Variants in MYO15B observed in about 807,000 individuals in gnomAD.
MYO15B encodes the protein myosin XVB pseudogene.
A neutral mutation model predicts 119.3 loss-of-function variants in MYO15B; 207 were observed. The ratio of observed to expected loss-of-function variants is 1.73; its 90% CI spans 1.55 to 1.95. The LOEUF (loss-of-function observed/expected upper bound fraction) is 1.95, where lower values mean the gene tolerates loss of function less well. MYO15B is among the 30% of genes most tolerant of loss of function. The pLI is 0.00. For missense variants in MYO15B, 2,264 were observed against 1,203.1 expected, an observed-to-expected ratio of 1.88 and a Z score of -13.04; for synonymous variants, 966 against 498.9, an observed-to-expected ratio of 1.94 and a Z score of -12.48.
chr17:75,626,362 G>A (rs1269931243), intron 63 of MYO15B, 45 bp from the exon 64 acceptor site: 1 of 702,780 alleles, frequency 1.4e-6, no homozygotes, highest in Non-Finnish European at 2.6e-6. Context: ...CAGAGGCGAG[G>A]GGCTGGCTGG....
chr17:75,625,807 C>T, intron 61 of MYO15B, 37 bp from the exon 62 acceptor site: 1 of 701,760 alleles, frequency 1.4e-6, no homozygotes, highest in Admixed American at 2.0e-5. Flanking sequence ...AGGGCCCCAG[C>T]AGTCAGATTT....
intron 21 of MYO15B, among the ~76,000 whole-genome samples, chr17:75,609,155 G>A (rs1010106043): frequency 2.6e-5 from 4 of 151,810 alleles, no homozygotes; most frequent in Middle Eastern, 3.2e-3. Flanking sequence ...TGTCATACGG[G>A]TATGAGCCAT....
Position 75,591,590 on chromosome 17 carries a change from C to T in MYO15B, c.2436-11C>T, listed in dbSNP as rs1281574389. ...CCTCCCTGGAGACCCTACCAACCAACACATCCTTAGCTCCTCCCACTGCAG... is the reference window on the plus strand; with the variant it reads ...CCTCCCTGGAGACCCTACCAACCAATACATCCTTAGCTCCTCCCACTGCAG... On this transcript the variant is annotated splice_polypyrimidine_tract_variant and intron_variant, in intron 4 of 63. Coordinates refer to ENST00000645453, the Ensembl canonical transcript of MYO15B. 1 of 702,878 alleles carries T rather than the reference C, an allele frequency of 1.4e-6. No individual in the cohort carries two copies. Among genetic ancestry groups the T allele is most frequent in the Admixed American group, 2.0e-5 (1 of 50,004 alleles). The allele number at this position is 702,878 out of a possible 1,614,324, so 43.5% of individuals were successfully genotyped here.
chr17:75,608,539 G>C (rs1467897544), intron 21 of MYO15B, among the ~76,000 whole-genome samples: 2 of 151,972 alleles, frequency 1.3e-5, no homozygotes, highest in Non-Finnish European at 2.9e-5. Context: ...TCCTCAGGAG[G>C]CTGAGGCACG....
intron 19 of MYO15B, among the ~76,000 whole-genome samples, chr17:75,604,201 C>T (rs1233877391): frequency 6.6e-6 from 1 of 152,106 alleles, no homozygotes; most frequent in African/African-American, 2.4e-5. Context: ...CAGCAATTGT[C>T]ACCTCCAACA....
At chr17:75,588,394 G>A in exon 1 of MYO15B, 2 of 398,514 alleles carry the variant, frequency 5.0e-6, no homozygotes, top group Middle Eastern at 6.2e-4. Flanking sequence ...CCTGGAGGAG[G>A]GAAGCCTCTC....
intron 15 of MYO15B, among the ~76,000 whole-genome samples, chr17:75,602,118 T>A (rs1165626313): frequency 6.6e-6 from 1 of 152,138 alleles, no homozygotes; most frequent in Non-Finnish European, 1.5e-5. Flanking sequence ...CTGGAGGAGA[T>A]GGCACACTTT....
chr17:75,623,993 G>A, exon 55 of MYO15B: 1 of 703,020 alleles, frequency 1.4e-6, no homozygotes, highest in Non-Finnish European at 2.6e-6. Flanking sequence ...CTTCTCACAG[G>A]CTTCTTCCCC....
intron 12 of MYO15B, 35 bp from the exon 13 acceptor site, chr17:75,596,425 C>T: frequency 1.4e-6 from 1 of 702,468 alleles, no homozygotes; most frequent in Non-Finnish European, 2.6e-6. Flanking sequence ...GAGGGCACAG[C>T]CCCATGTGCC....
Position 75,617,581 on chromosome 17 carries a change from C to T in MYO15B, c.6815-229C>T, listed in dbSNP as rs978161781. On this transcript the variant is annotated intron_variant, in intron 41 of 63. Coordinates refer to ENST00000645453, the Ensembl canonical transcript of MYO15B. ...GACAGCTCTGTGAGGAAGTTAGTGG[C>T]CCTGGCTGACATGGTCATAGAAGAC... 7.9e-6 allele frequency: 4 copies of T among 507,602 alleles called. No individual in the cohort carries two copies. In the African/African-American group the frequency reaches 8.4e-5, roughly 11 times the overall value. 31.4% of individuals were successfully genotyped at this position (507,602 alleles called of 1,614,324 possible). A position where few individuals can be genotyped will look rare whatever the true frequency, so the allele number is the denominator to read the frequency against.
rs1245981603 is a variant in MYO15B at position 75,601,573 on chromosome 17, C to T, written c.3651+10C>T. ...GACTGTCACCTACCAGGTACCTGGCCTCAGGGACAGACCAGGGTGAATCAG... is the reference window on the plus strand; with the variant it reads ...GACTGTCACCTACCAGGTACCTGGCTTCAGGGACAGACCAGGGTGAATCAG... On this transcript the variant is annotated intron_variant, in intron 15 of 63. Transcript: ENST00000645453. 2.8e-6 allele frequency: 2 copies of T among 702,884 alleles called. No homozygotes were observed. The highest frequency in any genetic ancestry group is 5.2e-6 in the Non-Finnish European group (2 of 384,864). 43.5% of individuals were successfully genotyped at this position (702,884 alleles called of 1,614,324 possible).
chr17:75,595,622 C>T lies in MYO15B; in HGVS notation c.3297+650C>T, dbSNP rs112159730. ...AGAGAGCTGTGTGCTCCAGGGCAGC[C>T]GTTCTGTCCCACTCTGGCCGGTCCT... On this transcript the variant is annotated intron_variant, in intron 12 of 63. Transcript: ENST00000645453. Among the ~76,000 whole-genome samples the T allele has an allele frequency of 1.7e-3, 262 of 152,316 alleles. 3 individuals are homozygous for T. Among genetic ancestry groups the T allele is most frequent in the African/African-American group, 5.8e-3 (242 of 41,576 alleles).
Position 75,589,999 on chromosome 17 carries a change from A to G in MYO15B, c.1942A>G (p.Arg648Gly). Residue 648 changes from arginine to glycine, a missense_variant, in exon 1 of 64, where the codon AGG becomes GGG. Transcript: ENST00000645453. The surrounding 1 kb of genome is among the most constrained non-coding windows in gnomAD (Gnocchi z 4.2). ...GGGCTCAGGCCCCCACGAGGGTCCT[A>G]GGCTTGGCGCCGCCGTGCTGCTACC... 1 of 398,718 alleles carries G rather than the reference A, an allele frequency of 2.5e-6. No individual in the cohort carries two copies. Among genetic ancestry groups the G allele is most frequent in the Non-Finnish European group, 4.4e-6 (1 of 225,966 alleles). The allele number at this position is 398,718 out of a possible 1,614,324, so 24.7% of individuals were successfully genotyped here.
intron 14 of MYO15B, among the ~76,000 whole-genome samples, chr17:75,598,262 G>T (rs953331043): frequency 1.2e-5 from 1 of 86,272 alleles, no homozygotes; most frequent in South Asian, 4.0e-4. Flanking sequence ...GCAAGACTCC[G>T]TCTCAAAAAA....
rs1185507100 is a variant in MYO15B, at chr17:75,624,579, A to AT, written c.8483dup (p.Met2828IlefsTer59). On this transcript the variant is annotated frameshift_variant, in exon 58 of 64. Transcript: ENST00000645453. LOFTEE classifies it high-confidence loss of function. ...AGTGCAGGAGGAGCTGTGCCGGCAA[A>AT]TGGGTATCACGGAGCCTCAGGAAGT... 58 of 702,952 alleles carry AT rather than the reference A, an allele frequency of 8.3e-5. No homozygotes were observed. Among genetic ancestry groups the AT allele is most frequent in the Admixed American group, 8.2e-4 (41 of 50,006 alleles). 43.5% of individuals were successfully genotyped at this position (702,952 alleles called of 1,614,324 possible). A position where few individuals can be genotyped will look rare whatever the true frequency, so the allele number is the denominator to read the frequency against.
rs771410577 is a variant in MYO15B, at chr17:75,592,235, C to A, written c.2652-3C>A. On this transcript the variant is annotated splice_region_variant and splice_polypyrimidine_tract_variant and intron_variant, in intron 6 of 63. Coordinates refer to ENST00000645453, the Ensembl canonical transcript of MYO15B. Reference sequence around the variant, plus strand: ...CACTCACACCCATCTTCTGTGCCCACAGAGGGGTCATCGTGGGAGCCTCTG... The same window carrying A: ...CACTCACACCCATCTTCTGTGCCCAAAGAGGGGTCATCGTGGGAGCCTCTG... 1.4e-6 allele frequency: 1 copy of A among 702,854 alleles called. No individual in the cohort carries two copies. The highest frequency in any genetic ancestry group is 2.0e-5 in the Admixed American group (1 of 50,004). 43.5% of individuals were successfully genotyped at this position (702,854 alleles called of 1,614,324 possible).
In MYO15B at chr17:75,618,120, C is replaced by A; in HGVS notation, c.6928-6C>A. ...CCGATCTTTGCCCTTCTGTGCCCTC[C>A]TCCAGGTGTTCTACCCACGGGAGAA... On this transcript the variant is annotated splice_polypyrimidine_tract_variant and splice_region_variant and intron_variant, in intron 42 of 63. Coordinates refer to ENST00000645453, the Ensembl canonical transcript of MYO15B. 1 of 703,246 alleles carries A rather than the reference C, an allele frequency of 1.4e-6. No homozygotes were observed. The highest frequency in any genetic ancestry group is 2.7e-5 in the East Asian group (1 of 37,280). The allele number at this position is 703,246 out of a possible 1,614,324, so 43.6% of individuals were successfully genotyped here.
chr17:75,592,663 C>T lies in MYO15B; in HGVS notation c.2830-16C>T. 2.9e-6 allele frequency: 2 copies of T among 696,504 alleles called. No homozygotes were observed. Among genetic ancestry groups the T allele is most frequent in the Non-Finnish European group, 5.2e-6 (2 of 382,092 alleles). The allele number at this position is 696,504 out of a possible 1,614,324, so 43.1% of individuals were successfully genotyped here. On this transcript the variant is annotated splice_polypyrimidine_tract_variant and intron_variant, in intron 8 of 63. Transcript: ENST00000645453. ...GGTGGCAGGCCCCGCTCCCTCACCCCTGCTGTGCTCTGCAGGGCCAGGCCT... is the reference window on the plus strand; with the variant it reads ...GGTGGCAGGCCCCGCTCCCTCACCCTTGCTGTGCTCTGCAGGGCCAGGCCT...
At chr17:75,607,354 C>T (rs1354388977) in intron 21 of MYO15B, among the ~76,000 whole-genome samples, 1 of 151,914 alleles carries the variant, frequency 6.6e-6, no homozygotes, top group African/African-American at 2.4e-5. Flanking sequence ...TTTCACTTAA[C>T]ATAATGTTTC....
Sources: allele counts gnomAD v4.1 joint callset (sites outside exome capture counted in the v4.1 genomes callset), GRCh38; gene constraint gnomAD v4.1.1; non-coding constraint Gnocchi (gnomAD v3.1); transcripts MANE v1.5; gene names NCBI Gene and HGNC (gene_info 2026-07-23, HGNC 2026-07-21).